Variants in LRIG1 observed in about 807,000 individuals in gnomAD.
LRIG1 encodes the protein leucine rich repeats and immunoglobulin like domains 1, also known as leucine-rich repeats and immunoglobulin-like domains protein 1.
LRIG1 carries 48 observed loss-of-function variants against 99.2 expected under a neutral mutation model. That is an observed-to-expected ratio of 0.48 (90% CI 0.38 to 0.62). The LOEUF (loss-of-function observed/expected upper bound fraction) is 0.62, where lower values mean the gene tolerates loss of function less well. LRIG1 is among the 20% of genes least tolerant of loss of function. The pLI is 0.00. For missense variants in LRIG1, 1,646 were observed against 1,434.4 expected (o/e 1.15, Z -2.38); for synonymous variants, 772 against 596.1 (o/e 1.29, Z -4.30).
chr3:66,444,869 T>TTA lies in LRIG1; in HGVS notation c.365+6688_365+6689dup, dbSNP rs10550530. Among the ~76,000 whole-genome samples, 11 of 149,752 alleles carry TTA rather than the reference T, an allele frequency of 7.3e-5. No homozygotes were observed. In the East Asian group the frequency reaches 7.8e-4, roughly 11 times the overall value. On this transcript the variant is annotated intron_variant, in intron 3 of 18. Coordinates refer to ENST00000273261, the MANE Select transcript of LRIG1 (RefSeq NM_015541.3). ...AGAAGAGGACCAGAACTTTAGATAA[T>TTA]TATATATATATATATATACACACAC...
At chr3:66,384,340 C>T in intron 13 of LRIG1, 68 bp from the exon 14 acceptor site, 1 of 1,498,896 alleles carries the variant, frequency 6.7e-7, no homozygotes, top group Non-Finnish European at 9.2e-7. Context: ...AGTCCTCTGG[C>T]AAACACCTAC....
At chr3:66,409,143 C>T (rs918932205) in intron 7 of LRIG1, among the ~76,000 whole-genome samples, 30 of 151,996 alleles carry the variant, frequency 2.0e-4, no homozygotes, top group African/African-American at 7.3e-4. Context: ...AACAATCATT[C>T]ACTTCAGTGG....
intron 3 of LRIG1, among the ~76,000 whole-genome samples, chr3:66,440,826 C>G (rs887601889): frequency 1.3e-5 from 2 of 152,194 alleles, no homozygotes; most frequent in African/African-American, 4.8e-5. Flanking sequence ...AGTGAGAAAA[C>G]TGAGGCCTGA....
Position 66,414,900 on chromosome 3 carries a change from G to A in LRIG1, c.647+20C>T, listed in dbSNP as rs1199082785. 6.4e-7 allele frequency: 1 copy of A among 1,562,024 alleles called. No individual in the cohort carries two copies. Among genetic ancestry groups the A allele is most frequent in the Non-Finnish European group, 8.6e-7 (1 of 1,157,402 alleles). On this transcript the variant is annotated intron_variant, in intron 5 of 18. Coordinates refer to ENST00000273261, the MANE Select transcript of LRIG1 (RefSeq NM_015541.3). Reference sequence around the variant, plus strand: ...TAAAGTTTGGCTAGCCTTAATTAAAGTGTAGGTTTCTGTACTCACAGTTGT... The same window carrying A: ...TAAAGTTTGGCTAGCCTTAATTAAAATGTAGGTTTCTGTACTCACAGTTGT...
rs533186890 is a variant in LRIG1, at chr3:66,380,742, C to T, written c.2890G>A (p.Gly964Ser). The change falls in exon 18 of 19, where the codon GGC becomes AGC. Residue 964 changes from glycine to serine, a missense_variant. Physicochemically the swap from Gly to Ser is moderately conservative, Grantham distance 56. Transcript: ENST00000273261. ...RDSAQPSAPNGPEPGGSDQEH... is the reference protein window; with the variant it reads ...RDSAQPSAPNSPEPGGSDQEH... ...TGGTCACTCCCACCCGGCTCCGGGC[C>T]ATTTGGCGCACTTGGCTGTGCGCTG... is the stretch of plus-strand genomic sequence containing the variant. 9 of 1,614,216 alleles carry T rather than the reference C, an allele frequency of 5.6e-6. 1 individual carries two copies. In the South Asian group the frequency reaches 8.8e-5, roughly 16 times the overall value.
At chr3:66,403,515 T>C (rs577123520) in intron 9 of LRIG1, among the ~76,000 whole-genome samples, 2 of 151,924 alleles carry the variant, frequency 1.3e-5, no homozygotes, top group South Asian at 4.2e-4. Context: ...CAAACAACAT[T>C]ATGTGAGTGA....
intron 1 of LRIG1, among the ~76,000 whole-genome samples, chr3:66,494,084 A>G (rs1333827256): frequency 6.6e-6 from 1 of 152,138 alleles, no homozygotes; most frequent in Non-Finnish European, 1.5e-5. Flanking sequence ...AATAAATTGG[A>G]GCTACTGAGG....
Position 66,414,985 on chromosome 3 carries a change from G to A in LRIG1, c.582C>T (p.Arg194=). The stretch of plus-strand genomic sequence containing the variant: ...GCTGGGTGATCCTGTTTTTGCTCAG[G>A]CGAAGAGTTAGCAGCGACCGTGACA... ...DGLSRSLLTL[R]LSKNRITQLP... The change falls in exon 5 of 19, where the codon CGC becomes CGT. Residue 194 remains arginine, a synonymous_variant. Transcript: ENST00000273261. The A allele has an allele frequency of 1.9e-6, 3 of 1,612,938 alleles. No individual in the cohort carries two copies. Among genetic ancestry groups the A allele is most frequent in the Non-Finnish European group, 1.7e-6 (2 of 1,179,444 alleles).
At chr3:66,446,464 G>A (rs1379922141) in intron 3 of LRIG1, among the ~76,000 whole-genome samples, 3 of 144,598 alleles carry the variant, frequency 2.1e-5, no homozygotes, top group Non-Finnish European at 4.5e-5. Context: ...AGAGTGCAAT[G>A]GTGCGATCTT....
chr3:66,417,364 C>T (rs537456233), intron 3 of LRIG1, 98 bp from the exon 4 acceptor site: 102 of 1,230,650 alleles, frequency 8.3e-5, no homozygotes, highest in Non-Finnish European at 1.1e-4. Flanking sequence ...AATATAACTA[C>T]AATGCAGTGA....
chr3:66,380,415 A>C lies in LRIG1; in HGVS notation c.3130T>G (p.Ser1044Ala). The C allele has an allele frequency of 1.9e-6, 3 of 1,614,190 alleles. No individual in the cohort carries two copies. The highest frequency in any genetic ancestry group is 2.5e-6 in the Non-Finnish European group (3 of 1,180,042). Reference sequence around the variant, plus strand: ...GCTTCCGCGCGCTCTGGACTGCCTGAAGTTAATGAAGATGCAGGCTGTAGC... The same window carrying C: ...GCTTCCGCGCGCTCTGGACTGCCTGCAGTTAATGAAGATGCAGGCTGTAGC... The part of the protein sequence containing the change: ...TELQPASSLT[S>A]GSPERAEAQY... The change falls in exon 19 of 19, where the codon TCA becomes GCA. Residue 1044 changes from serine to alanine, a missense_variant. Coordinates refer to ENST00000273261, the MANE Select transcript of LRIG1 (RefSeq NM_015541.3).
intron 4 of LRIG1, among the ~76,000 whole-genome samples, chr3:66,416,780 G>A (rs2106694129): frequency 6.6e-6 from 1 of 152,312 alleles, no homozygotes; most frequent in Middle Eastern, 3.4e-3. Context: ...TCCTCTGGAA[G>A]CATTTCTGAG....
At chr3:66,430,837 A>G (rs1229801453) in intron 3 of LRIG1, among the ~76,000 whole-genome samples, 2 of 152,144 alleles carry the variant, frequency 1.3e-5, no homozygotes, top group Non-Finnish European at 2.9e-5. Context: ...AAACGTATTT[A>G]TCGCTTTTGC....
chr3:66,415,067 G>C lies in LRIG1; in HGVS notation c.504-4C>G. 6.3e-7 allele frequency: 1 copy of C among 1,589,084 alleles called. No individual in the cohort carries two copies. The highest frequency in any genetic ancestry group is 1.2e-5 in the South Asian group (1 of 86,792). ...AATCCGATTGCCTGCCAGGTTGCTGGAATGATTCAGAAAAGAAAATGTGGT... is the reference window on the plus strand; with the variant it reads ...AATCCGATTGCCTGCCAGGTTGCTGCAATGATTCAGAAAAGAAAATGTGGT... On this transcript the variant is annotated splice_region_variant and splice_polypyrimidine_tract_variant and intron_variant, in intron 4 of 18. Coordinates refer to ENST00000273261, the MANE Select transcript of LRIG1 (RefSeq NM_015541.3).
intron 1 of LRIG1, among the ~76,000 whole-genome samples, chr3:66,467,108 G>T (rs537566064): frequency 1.1e-3 from 170 of 152,228 alleles, no homozygotes; most frequent in Non-Finnish European, 2.0e-3. Flanking sequence ...TTTTATCCAG[G>T]CGTGTCTGAA....
chr3:66,389,604 G>A (rs532588250), intron 12 of LRIG1, among the ~76,000 whole-genome samples: 1 of 152,230 alleles, frequency 6.6e-6, no homozygotes, highest in Middle Eastern at 3.4e-3. Flanking sequence ...TAATGTAAAA[G>A]GGTCAATGCA....
At chr3:66,398,652 G>A (rs79871092) in intron 10 of LRIG1, among the ~76,000 whole-genome samples, 5,729 of 152,300 alleles carry the variant, frequency 0.038, 158 homozygotes, top group Admixed American at 0.053. Flanking sequence ...GCGCGTTGGT[G>A]GAAGAGGCAA....
intron 3 of LRIG1, among the ~76,000 whole-genome samples, chr3:66,425,681 G>C (rs768793060): frequency 1.8e-4 from 28 of 152,200 alleles, no homozygotes; most frequent in African/African-American, 5.1e-4. Context: ...GACAAAACCA[G>C]TGATTCTGCA....
chr3:66,453,695 G>GA (rs1424548846), intron 2 of LRIG1, among the ~76,000 whole-genome samples: 5 of 152,160 alleles, frequency 3.3e-5, no homozygotes, highest in African/African-American at 4.8e-5. Context: ...GCCAAGACCT[G>GA]AAAAAAGTAT....
Sources: allele counts gnomAD v4.1 joint callset (sites outside exome capture counted in the v4.1 genomes callset), GRCh38; gene constraint gnomAD v4.1.1; transcripts MANE v1.5; gene names NCBI Gene and HGNC (gene_info 2026-07-23, HGNC 2026-07-21).